Variants in HEG1 observed in about 807,000 individuals in gnomAD.
The protein encoded by HEG1 is heart development protein with EGF like domains 1, also known as protein HEG homolog 1.
A neutral mutation model predicts 125.6 loss-of-function variants in HEG1; 56 were observed. The observed-to-expected ratio is 0.45, with a 90% CI of 0.36 to 0.56. HEG1 has a LOEUF of 0.56. HEG1 is among the 20% of genes least tolerant of loss of function. HEG1 has a pLI of 0.00. For synonymous variants in HEG1, 644 were observed against 668.5 expected, an observed-to-expected ratio of 0.96 and a Z score of 0.57; for missense variants, 1,523 against 1,670.0, an observed-to-expected ratio of 0.91 and a Z score of 1.53.
intron 1 of HEG1, among the ~76,000 whole-genome samples, chr3:125,054,080 T>C (rs1937874248): frequency 6.6e-6 from 1 of 152,270 alleles, no homozygotes; most frequent in South Asian, 2.1e-4. Flanking sequence ...TTCTCTGCAG[T>C]TCACCTTCTG....
In HEG1 at chr3:124,976,210, C is replaced by T. The variant is rs184571683; in HGVS notation, c.3821+1649G>A. On this transcript the variant is annotated intron_variant, in intron 15 of 16. Coordinates refer to ENST00000311127, the MANE Select transcript of HEG1 (RefSeq NM_020733.2). ...TTGTTTTGTTTTGTTTTGTTTGAGA[C>T]GGAGTCTGGCTCTGTCACCCAGGCT... Among the ~76,000 whole-genome samples the T allele has an allele frequency of 5.3e-3, 811 of 152,216 alleles. 4 individuals are homozygous for T. Among genetic ancestry groups the T allele is most frequent in the Non-Finnish European group, 8.8e-3 (597 of 68,010 alleles).
Position 125,001,989 on chromosome 3 carries a change from G to A in HEG1, c.3380C>T (p.Ser1127Leu). 6.2e-7 allele frequency: 1 copy of A among 1,614,042 alleles called. No individual in the cohort carries two copies. ...ASRESNAVVI[S>L]LQTTFSLASN... is the part of the protein sequence containing the mutation. ...GGCCAGGGAAAAGGTTGTTTGCAGT[G>A]AGATCACCACCGCGTTGGACTCCCT... The change falls in exon 11 of 17, where the codon TCA becomes TTA. Residue 1127 changes from serine (S) to leucine (L), a missense_variant. Physicochemically the swap from Ser to Leu is moderately radical, Grantham distance 145 (BLOSUM62 -2). Transcript: ENST00000311127.
At chr3:124,999,035 C>T (rs533159549) in intron 11 of HEG1, among the ~76,000 whole-genome samples, 3 of 152,312 alleles carry the variant, frequency 2.0e-5, no homozygotes, top group South Asian at 2.1e-4. Flanking sequence ...TTTAATGCTG[C>T]AAAACTGCCC....
At chr3:125,001,370 C>G (rs1936996714) in intron 11 of HEG1, among the ~76,000 whole-genome samples, 1 of 151,982 alleles carries the variant, frequency 6.6e-6, no homozygotes, top group Non-Finnish European at 1.5e-5. Context: ...ATTGCAGCCT[C>G]GAACTCCTGG....
chr3:125,019,712 T>C lies in HEG1; in HGVS notation c.1253-115A>G. 3 of 763,954 alleles carry C rather than the reference T, an allele frequency of 3.9e-6. No individual in the cohort carries two copies. In the South Asian group the frequency reaches 5.4e-5, roughly 14 times the overall value. The allele number at this position is 763,954 out of a possible 1,614,324, so 47.3% of individuals were successfully genotyped here. ...TTCTTTGCCAAGGAACCTGGTATAG[T>C]GTTTATTAAATGTATTATGCACTAT... On this transcript the variant is annotated intron_variant, in intron 4 of 16. Transcript: ENST00000311127.
At chr3:125,032,876 G>A (rs1937513705) in intron 1 of HEG1, among the ~76,000 whole-genome samples, 1 of 152,120 alleles carries the variant, frequency 6.6e-6, no homozygotes. Flanking sequence ...GGCCTTTGAG[G>A]AAGCAGCTTT....
chr3:125,009,832 G>A lies in HEG1; in HGVS notation c.3074-8C>T, dbSNP rs1341369996. On this transcript the variant is annotated splice_region_variant and splice_polypyrimidine_tract_variant and intron_variant, in intron 7 of 16. Coordinates refer to ENST00000311127, the MANE Select transcript of HEG1 (RefSeq NM_020733.2). Reference sequence around the variant, plus strand: ...ACAGGCACTCATTCACATCTGTAGAGGAGAAAAAAGAAGAACATCTTGCAT... The same window carrying A: ...ACAGGCACTCATTCACATCTGTAGAAGAGAAAAAAGAAGAACATCTTGCAT... 3 of 1,604,928 alleles carry A rather than the reference G, an allele frequency of 1.9e-6. No individual in the cohort carries two copies. The highest frequency in any genetic ancestry group is 1.7e-6 in the Non-Finnish European group (2 of 1,174,592).
In HEG1 at chr3:125,002,133, A is replaced by AACT. The variant is rs112193245; in HGVS notation, c.3357-122_3357-121insAGT. 55 of 1,507,534 alleles carry AACT rather than the reference A, an allele frequency of 3.6e-5. No individual in the cohort carries two copies. In the Middle Eastern group the frequency reaches 6.9e-4, roughly 19 times the overall value. 93.4% of individuals were successfully genotyped at this position (1,507,534 alleles called of 1,614,324 possible). ...GGATGGGAGAGCATGAAGGTCAGTGACCTTGGCCCTGGATTGCCCCATGGC... is the reference window on the plus strand; with the variant it reads ...GGATGGGAGAGCATGAAGGTCAGTGAACTCCTTGGCCCTGGATTGCCCCATGGC... On this transcript the variant is annotated intron_variant, in intron 10 of 16. Transcript: ENST00000311127.
In HEG1 at chr3:125,010,462, C is replaced by A. The variant is rs767582249; in HGVS notation, c.3050G>T (p.Trp1017Leu). Residue 1017 changes from tryptophan to leucine, a missense_variant, in exon 7 of 17, where the codon TGG becomes TTG. By Grantham distance (61) the Trp-to-Leu change is moderately conservative. Coordinates refer to ENST00000311127, the MANE Select transcript of HEG1 (RefSeq NM_020733.2). ...ACCCACACTGCAATCATCCCCTTGC[C>A]AGGAAGGCGGGCACCTGCAGTGGTA... Reference protein sequence around the residue: ...RGYHCRCPPSWQGDDCSVDVN... With the variant: ...RGYHCRCPPSLQGDDCSVDVN... 1.9e-6 allele frequency: 3 copies of A among 1,555,946 alleles called. No individual in the cohort carries two copies. Among genetic ancestry groups the A allele is most frequent in the Non-Finnish European group, 1.7e-6 (2 of 1,149,048 alleles).
At chr3:124,973,342 C>T (rs151008994) in intron 16 of HEG1, among the ~76,000 whole-genome samples, 27 of 152,226 alleles carry the variant, frequency 1.8e-4, no homozygotes, top group Admixed American at 9.8e-4. Context: ...GCCACCAATC[C>T]TCTAGTTTTA....
intron 12 of HEG1, 73 bp downstream of exon 12, chr3:124,997,616 G>A: frequency 1.4e-6 from 2 of 1,420,126 alleles, no homozygotes; most frequent in Admixed American, 2.4e-5. Context: ...CAGAGAGAGA[G>A]CAAGAAAGAG....
At chr3:124,987,408 C>T (rs1230131518) in intron 14 of HEG1, among the ~76,000 whole-genome samples, 2 of 152,080 alleles carry the variant, frequency 1.3e-5, no homozygotes, top group African/African-American at 4.8e-5. Context: ...GTCTCACTGG[C>T]TCTCTCTTTC....
chr3:124,973,890 G>A lies in HEG1; in HGVS notation c.3837C>T (p.Asp1279=), dbSNP rs748702860. 43 of 1,610,888 alleles carry A rather than the reference G, an allele frequency of 2.7e-5. No individual in the cohort carries two copies. The Middle Eastern group carries it at 6.6e-4, about 25-fold the overall frequency. The change falls in exon 16 of 17, where the codon GAC becomes GAT. Residue 1279 remains aspartate, a synonymous_variant. Coordinates refer to ENST00000311127, the MANE Select transcript of HEG1 (RefSeq NM_020733.2). ...IVTCCRKNKN[D]ISKLIFKSGD... ...CACTTTTGAAGATGAGTTTGCTTATGTCATTTTTATTCTTTCTGTGGGATA... is the reference window on the plus strand; with the variant it reads ...CACTTTTGAAGATGAGTTTGCTTATATCATTTTTATTCTTTCTGTGGGATA...
chr3:124,972,141 T>C (rs1330975100), intron 16 of HEG1: 1 of 152,226 alleles, frequency 6.6e-6, no homozygotes, highest in Non-Finnish European at 1.5e-5. Flanking sequence ...ATTTACATTC[T>C]TGACTACGTT....
chr3:125,007,465 A>G (rs1579413330), intron 8 of HEG1, among the ~76,000 whole-genome samples: 1 of 152,222 alleles, frequency 6.6e-6, no homozygotes, highest in East Asian at 1.9e-4. Flanking sequence ...TATGTTATCT[A>G]AATGATTTTT....
rs1279141595 is a variant in HEG1 at position 125,055,704 on chromosome 3, C to A, written c.187G>T (p.Glu63Ter). Residue 63 changes from glutamate (E) to a stop codon, truncating the protein, a stop_gained, in exon 1 of 17, where the codon GAG (glutamate) becomes TAG (stop). Transcript: ENST00000311127. LOFTEE classifies it high-confidence loss of function. ...TCCCGGGGCGGCGTGGGCGGCGGCT[C>A]GCGCTCCGGGCGGCGCTCCAGCTGC... ...ELQLERRPEREPPPTPPRERR... is the reference protein window; with the variant it reads ...ELQLERRPER The A allele has an allele frequency of 2.8e-6, 3 of 1,085,160 alleles. No individual in the cohort carries two copies. The highest frequency in any genetic ancestry group is 3.3e-6 in the Non-Finnish European group (3 of 895,928). 67.2% of individuals were successfully genotyped at this position (1,085,160 alleles called of 1,614,324 possible).
At chr3:125,010,138 T>G (rs954862724) in intron 7 of HEG1, among the ~76,000 whole-genome samples, 1 of 152,072 alleles carries the variant, frequency 6.6e-6, no homozygotes, top group Non-Finnish European at 1.5e-5. Flanking sequence ...AATCAATAGA[T>G]TAGGGTGGCA....
At chr3:125,043,215 C>T (rs571979668) in intron 1 of HEG1, among the ~76,000 whole-genome samples, 2 of 152,332 alleles carry the variant, frequency 1.3e-5, no homozygotes, top group African/African-American at 2.4e-5. Flanking sequence ...GCATTCTCTC[C>T]GGGTGACAGA....
chr3:125,018,260 G>A (rs772268174), intron 5 of HEG1, among the ~76,000 whole-genome samples: 1 of 152,178 alleles, frequency 6.6e-6, no homozygotes, highest in African/African-American at 2.4e-5. Context: ...GACACTAAGG[G>A]AAAGACACAA....
Sources: allele counts gnomAD v4.1 joint callset (sites outside exome capture counted in the v4.1 genomes callset), GRCh38; gene constraint gnomAD v4.1.1; transcripts MANE v1.5; gene names NCBI Gene and HGNC (gene_info 2026-07-23, HGNC 2026-07-21).